The following TOP3B variants were observed in gnomAD, a reference collection of about 807,000 sequenced individuals.
The protein encoded by TOP3B is DNA topoisomerase III beta.
Under a neutral mutation model 93.9 loss-of-function variants are expected in TOP3B, and 45 were observed. That is an observed-to-expected ratio of 0.48 (90% CI 0.38 to 0.61). The LOEUF is 0.61. TOP3B is among the 20% of genes least tolerant of loss of function. TOP3B has a pLI of 0.00. For synonymous variants in TOP3B, 357 were observed against 472.6 expected, an observed-to-expected ratio of 0.76 and a Z score of 3.17; for missense variants, 750 against 1,156.1, an observed-to-expected ratio of 0.65 and a Z score of 5.09.
chr22:21,980,059 CATGCTA>C (rs948189926), intron 1 of TOP3B, among the ~76,000 whole-genome samples: 5 of 150,522 alleles, frequency 3.3e-5, no homozygotes, highest in Non-Finnish European at 7.4e-5. Flanking sequence ...TGAAATAAAT[CATGCTA>C]AGAAAGCTGG....
At chr22:21,961,756 T>A (rs1262599203) in intron 13 of TOP3B, 1 of 157,616 alleles carries the variant, frequency 6.3e-6, no homozygotes, top group Admixed American at 6.0e-5. Flanking sequence ...CAGCCAGGGG[T>A]AGTGCCCCAG....
At chr22:21,976,799 T>C (rs2071890997) in intron 1 of TOP3B, 1 of 152,192 alleles carries the variant, frequency 6.6e-6, no homozygotes, top group Non-Finnish European at 1.5e-5. Flanking sequence ...TTTTGTTTTT[T>C]CAGTCATTAT....
chr22:21,973,424 A>G (rs1204590720), intron 3 of TOP3B: 1 of 148,970 alleles, frequency 6.7e-6, no homozygotes, highest in Non-Finnish European at 1.5e-5. Context: ...GCGCACCACC[A>G]TGCCAGCTGA....
intron 1 of TOP3B, among the ~76,000 whole-genome samples, chr22:21,978,779 C>T (rs1334828127): frequency 6.6e-6 from 1 of 152,168 alleles, no homozygotes; most frequent in Non-Finnish European, 1.5e-5. Context: ...CAGATGAAAG[C>T]TGCATGGGGT....
rs1334615219 is a variant in TOP3B at position 21,967,715 on chromosome 22, A to C, written c.740T>G (p.Val247Gly). ...PETYWVLQAK[V>G]NTDKDRSLLL... ...GAGAGATCTGTCTTTGTCAGTGTTAACCTGCAGGAAAAAGGATAAAGGGTG... is the reference window on the plus strand; with the variant it reads ...GAGAGATCTGTCTTTGTCAGTGTTACCCTGCAGGAAAAAGGATAAAGGGTG... Residue 247 changes from valine (V) to glycine (G), a missense_variant and splice_region_variant, in exon 8 of 18, where the codon GTT (valine) becomes GGT (glycine). By Grantham distance (109) the Val-to-Gly change is moderately radical (BLOSUM62 -3). Transcript: ENST00000357179. 1 of 1,612,566 alleles carries C rather than the reference A, an allele frequency of 6.2e-7. No homozygotes were observed. The highest frequency in any genetic ancestry group is 8.5e-7 in the Non-Finnish European group (1 of 1,178,804).
chr22:21,968,854 G>A, intron 6 of TOP3B, 79 bp from the exon 7 acceptor site: 1 of 1,518,502 alleles, frequency 6.6e-7, no homozygotes. Context: ...TCCAGCCCAA[G>A]GCCAGGGGTG....
Position 21,975,677 on chromosome 22 carries a change from C to T in TOP3B, c.33G>A (p.Pro11=), listed in dbSNP as rs755857213. 21 of 1,612,062 alleles carry T rather than the reference C, an allele frequency of 1.3e-5. No homozygotes were observed. The Admixed American group carries it at 1.3e-4, about 10-fold the overall frequency. The change falls in exon 2 of 18, where the codon CCG becomes CCA. Residue 11 remains proline (P), a synonymous_variant. Transcript: ENST00000357179. ...TTTTGGCAATTGACTGTGCCAAGGA[C>T]GGCTTTTCAGCAACCATGAGCACAG... The part of the protein sequence containing the change: MKTVLMVAEK[P]SLAQSIAKIL...
Position 21,959,765 on chromosome 22 carries a change from C to T in TOP3B, c.1655-29G>A, listed in dbSNP as rs768187137. On this transcript the variant is annotated intron_variant, in intron 14 of 17. Coordinates refer to ENST00000357179, the MANE Select transcript of TOP3B (RefSeq NM_001282112.2). ...CAAGTGGGCAGGGGGCAGATATTGCCCTGAGCACTCGCACCCAGGGCCATG... is the reference window on the plus strand; with the variant it reads ...CAAGTGGGCAGGGGGCAGATATTGCTCTGAGCACTCGCACCCAGGGCCATG... The T allele has an allele frequency of 5.0e-6, 8 of 1,604,144 alleles. No individual in the cohort carries two copies. In the South Asian group the frequency reaches 7.8e-5, roughly 16 times the overall value.
intron 13 of TOP3B, chr22:21,960,702 C>T: frequency 5.9e-6 from 3 of 511,802 alleles, no homozygotes; most frequent in South Asian, 2.3e-5. Flanking sequence ...ATGGCAGAGA[C>T]AACAGGCTCG....
rs921350164 is a variant in TOP3B, at chr22:21,975,797, A to C, written c.-88T>G. 2.0e-6 allele frequency: 3 copies of C among 1,479,332 alleles called. No individual in the cohort carries two copies. Among genetic ancestry groups the C allele is most frequent in the African/African-American group, 2.8e-5 (2 of 71,872 alleles). The allele number at this position is 1,479,332 out of a possible 1,614,324, so 91.6% of individuals were successfully genotyped here. A position where few individuals can be genotyped will look rare whatever the true frequency, so the allele number is the denominator to read the frequency against. ...TCTTCCGCAGCACAGCACTATTACC[A>C]ATGCTGACTCCTAAAGAGAAGAAAA... On this transcript the variant is annotated 5_prime_UTR_variant, in exon 2 of 18. In the 5' UTR this introduces an upstream ATG that the reference lacks. Transcript: ENST00000357179.
intron 13 of TOP3B, 72 bp from the exon 14 acceptor site, chr22:21,960,521 C>T: frequency 2.5e-6 from 4 of 1,592,288 alleles, no homozygotes; most frequent in Non-Finnish European, 3.4e-6. Context: ...GCTGTATCAC[C>T]TGTCACGGGG....
Position 21,979,870 on chromosome 22 carries a change from A to G in TOP3B, c.-99+2860T>C, listed in dbSNP as rs994946430. ...GCAGGAGAATGGTGTGAACCCGGGA[A>G]GCGGAGCTTGCAGTGAGCCGAGATT... On this transcript the variant is annotated intron_variant, in intron 1 of 17. Coordinates refer to ENST00000357179, the MANE Select transcript of TOP3B (RefSeq NM_001282112.2). Among the ~76,000 whole-genome samples the G allele has an allele frequency of 2.6e-4, 39 of 147,784 alleles. 1 individual carries two copies. The South Asian group carries it at 6.8e-3, about 26-fold the overall frequency.
At chr22:21,982,594 T>C (rs2084657326) in intron 1 of TOP3B, 136 bp downstream of exon 1, 1 of 152,248 alleles carries the variant, frequency 6.6e-6, no homozygotes, top group South Asian at 2.1e-4. Flanking sequence ...GCAACAAGAA[T>C]GCAGAGCCCG....
Position 21,971,167 on chromosome 22 carries a change from A to T in TOP3B, c.384+710T>A. 1.4e-6 allele frequency: 1 copy of T among 705,104 alleles called. No individual in the cohort carries two copies. Among genetic ancestry groups the T allele is most frequent in the Non-Finnish European group, 2.1e-6 (1 of 473,066 alleles). 43.7% of individuals were successfully genotyped at this position (705,104 alleles called of 1,614,324 possible). ...GGGAGGAGAGGGTATCTGGGAAGAG[A>T]CAGAGTGTGATCGCATTTGCTGAGG... On this transcript the variant is annotated intron_variant, in intron 5 of 17. Coordinates refer to ENST00000357179, the MANE Select transcript of TOP3B (RefSeq NM_001282112.2). This position sits in a 1 kb window ranked among gnomAD's most constrained non-coding sequence, Gnocchi z 4.6.
Position 21,962,452 on chromosome 22 carries a change from G to C in TOP3B, c.1502C>G (p.Thr501Arg), listed in dbSNP as rs142849815. ...ACCGATGCCATGCTTCTCCATGAGC[G>C]TGATGAGCTCGGCCTCCGTCAGGTA... is the stretch of plus-strand genomic sequence containing the variant. The part of the protein sequence containing the change: ...PDYLTEAELI[T>R]LMEKHGIGTD... Residue 501 changes from threonine to arginine, a missense_variant, in exon 13 of 18, where the codon ACG (threonine) becomes AGG (arginine). Transcript: ENST00000357179. The C allele has an allele frequency of 6.2e-7, 1 of 1,613,590 alleles. No homozygotes were observed. Among genetic ancestry groups the C allele is most frequent in the Non-Finnish European group, 8.5e-7 (1 of 1,180,032 alleles).
chr22:21,971,195 G>T lies in TOP3B; in HGVS notation c.384+682C>A. The T allele has an allele frequency of 4.2e-6, 2 of 478,392 alleles. No individual in the cohort carries two copies. The highest frequency in any genetic ancestry group is 6.9e-6 in the Non-Finnish European group (2 of 288,160). The allele number at this position is 478,392 out of a possible 1,614,324, so 29.6% of individuals were successfully genotyped here. On this transcript the variant is annotated intron_variant, in intron 5 of 17. Coordinates refer to ENST00000357179, the MANE Select transcript of TOP3B (RefSeq NM_001282112.2). The surrounding 1 kb of genome is among the most constrained non-coding windows in gnomAD (Gnocchi z 4.6). ...GAGTGTGATCGCATTTGCTGAGGGT[G>T]CTGTACTGCAACGCCAGGTGCCTCA...
chr22:21,970,516 C>T lies in TOP3B; in HGVS notation c.385-110G>A. 8.8e-7 allele frequency: 1 copy of T among 1,135,774 alleles called. No individual in the cohort carries two copies. The highest frequency in any genetic ancestry group is 1.3e-6 in the Non-Finnish European group (1 of 799,150). The allele number at this position is 1,135,774 out of a possible 1,614,324, so 70.4% of individuals were successfully genotyped here. ...CAGGAAAGAACACGTGTGCTCGGCTCCCTCTCCTGCCCCTGCCAGACCCTC... is the reference window on the plus strand; with the variant it reads ...CAGGAAAGAACACGTGTGCTCGGCTTCCTCTCCTGCCCCTGCCAGACCCTC... On this transcript the variant is annotated intron_variant, in intron 5 of 17. Transcript: ENST00000357179. The surrounding 1 kb of genome is among the most constrained non-coding windows in gnomAD (Gnocchi z 4.4).
At position 21,962,598 on chromosome 22, in the gene TOP3B, G is replaced by GA. The variant is rs774672923; in HGVS notation, c.1355dup (p.Thr453HisfsTer22). On this transcript the variant is annotated frameshift_variant, in exon 13 of 18. Transcript: ENST00000357179. LOFTEE classifies it high-confidence loss of function. ...CGCTCTGCCAGGGCATGACCTCCGT[G>GA]AAGCCTGGAGAGATATGCGCCGCCA... The GA allele has an allele frequency of 6.2e-7, 1 of 1,611,444 alleles. No homozygotes were observed. The highest frequency in any genetic ancestry group is 8.5e-7 in the Non-Finnish European group (1 of 1,178,382).
chr22:21,975,975 A>C, intron 1 of TOP3B, 168 bp from the exon 2 acceptor site: 6 of 305,206 alleles, frequency 2.0e-5, no homozygotes, highest in Non-Finnish European at 5.6e-6. Flanking sequence ...AACAAGAAAA[A>C]ACTACCAGGT....
Sources: gnomAD v4.1 joint callset for allele counts (sites outside exome capture counted in the v4.1 genomes callset) on GRCh38, gnomAD v4.1.1 for gene constraint, Gnocchi (gnomAD v3.1) non-coding constraint, MANE v1.5 for transcripts, NCBI Gene and HGNC (gene_info 2026-07-23, HGNC 2026-07-21) for gene names.